PCDHGA3: variants seen among roughly 807,000 people sequenced by gnomAD.
PCDHGA3 encodes the protein protocadherin gamma subfamily A, 3, also known as protocadherin gamma-A3.
A neutral mutation model predicts 58.5 loss-of-function variants in PCDHGA3; 40 were observed. The observed-to-expected ratio is 0.68, with a 90% CI of 0.53 to 0.89. PCDHGA3 has a LOEUF of 0.89. Ranked by LOEUF, PCDHGA3 falls within the 40% of genes least tolerant of loss-of-function variation. The pLI is 0.00. For synonymous variants in PCDHGA3, 530 were observed against 525.7 expected (o/e 1.01, Z -0.11); for missense variants, 1,223 against 1,195.9 (o/e 1.02, Z -0.33).
At chr5:141,379,976 T>C (rs1459223613) in intron 1 of PCDHGA3, among the ~76,000 whole-genome samples, 1 of 140,200 alleles carries the variant, frequency 7.1e-6, no homozygotes, top group Admixed American at 8.2e-5. Flanking sequence ...CTCTGCTCAC[T>C]GCAACTTCCT....
At chr5:141,415,701 T>C in intron 1 of PCDHGA3, 2 of 1,506,520 alleles carry the variant, frequency 1.3e-6, no homozygotes, top group Non-Finnish European at 1.8e-6. Context: ...AAAGTGTAAA[T>C]GCTAAAACAC....
intron 1 of PCDHGA3, chr5:141,423,243 C>G (rs2096724455): frequency 6.2e-7 from 1 of 1,613,842 alleles, no homozygotes. Flanking sequence ...TCCCCGAAGT[C>G]CTGGCGGACC....
chr5:141,346,169 G>A lies in PCDHGA3; in HGVS notation c.2136G>A (p.Leu712=). 6.2e-6 allele frequency: 10 copies of A among 1,614,052 alleles called. No individual in the cohort carries two copies. The highest frequency in any genetic ancestry group is 1.1e-5 in the South Asian group (1 of 91,082). The change falls in exon 1 of 4, where the codon CTG becomes CTA. Residue 712 remains leucine (L), a synonymous_variant. Transcript: ENST00000253812. ...TCCTGGCCTTCGTCATCGTGCTGCTGGCGCTCAGGCTGCGGCGCTGGCACA... is the reference window on the plus strand; with the variant it reads ...TCCTGGCCTTCGTCATCGTGCTGCTAGCGCTCAGGCTGCGGCGCTGGCACA... ...CVFLAFVIVL[L]ALRLRRWHKS... is the part of the protein sequence containing the mutation.
Position 141,431,351 on chromosome 5 carries a change from C to T in PCDHGA3, c.2425-63456C>T, listed in dbSNP as rs1411192998. On this transcript the variant is annotated intron_variant, in intron 1 of 3. Coordinates refer to ENST00000253812, the MANE Select transcript of PCDHGA3 (RefSeq NM_018916.4). The surrounding 1 kb of genome is among the most constrained non-coding windows in gnomAD (Gnocchi z 4.8). ...TAAGTACCCCGAATTGGTGCTGAAACGCGCCCTGGACCGCGAAGAAAAGGC... is the reference window on the plus strand; with the variant it reads ...TAAGTACCCCGAATTGGTGCTGAAATGCGCCCTGGACCGCGAAGAAAAGGC... The T allele has an allele frequency of 1.9e-6, 3 of 1,613,946 alleles. No homozygotes were observed. Among genetic ancestry groups the T allele is most frequent in the African/African-American group, 2.7e-5 (2 of 74,938 alleles).
At chr5:141,371,868 G>C (rs755178809) in intron 1 of PCDHGA3, 2 of 1,613,510 alleles carry the variant, frequency 1.2e-6, no homozygotes, top group Non-Finnish European at 8.5e-7. Flanking sequence ...CTACTACATC[G>C]TGGCCAGTGA....
At chr5:141,356,639 A>G (rs1760286940) in intron 1 of PCDHGA3, 1 of 1,614,126 alleles carries the variant, frequency 6.2e-7, no homozygotes, top group East Asian at 2.2e-5. Context: ...CAAGACCCTG[A>G]CAGTGGTGAC....
At chr5:141,367,515 A>C (rs998835316) in intron 1 of PCDHGA3, 2 of 151,238 alleles carry the variant, frequency 1.3e-5, no homozygotes, top group African/African-American at 2.4e-5. Flanking sequence ...CCAGCCTGGG[A>C]GACAGAACGA....
intron 1 of PCDHGA3, chr5:141,415,573 G>T (rs375863243): frequency 1.9e-6 from 3 of 1,614,022 alleles, no homozygotes; most frequent in South Asian, 2.2e-5. Context: ...TTTGTTAGAT[G>T]ATTCGAAGTT....
At chr5:141,496,310 A>G (rs1446146598) in intron 2 of PCDHGA3, among the ~76,000 whole-genome samples, 1 of 152,218 alleles carries the variant, frequency 6.6e-6, no homozygotes, top group East Asian at 1.9e-4. Context: ...GCTCTGCGCC[A>G]GGCCTCCCAG....
At position 141,384,421 on chromosome 5, in the gene PCDHGA3, A is replaced by T. The variant is rs764678416; in HGVS notation, c.2424+37964A>T. The T allele has an allele frequency of 1.9e-6, 3 of 1,613,914 alleles. No homozygotes were observed. In the South Asian group the frequency reaches 3.3e-5, roughly 18 times the overall value. ...TCCAGTGTCCTCCTATGTCTCCATA[A>T]ACTCTGACACTGGAGTCCTGTACGC... On this transcript the variant is annotated intron_variant, in intron 1 of 3. Transcript: ENST00000253812.
intron 1 of PCDHGA3, chr5:141,421,421 T>A (rs982627903): frequency 6.2e-7 from 1 of 1,613,876 alleles, no homozygotes; most frequent in Non-Finnish European, 8.5e-7. Flanking sequence ...AAGCGCGGAG[T>A]CCGCATCGTC....
At position 141,431,211 on chromosome 5, in the gene PCDHGA3, G is replaced by C. The variant is rs1054638121; in HGVS notation, c.2425-63596G>C. Reference sequence around the variant, plus strand: ...AGTGAAAATGCAGCCACTGAGATGCGGTTCCCTCTACCCCACGCCTGGGAT... The same window carrying C: ...AGTGAAAATGCAGCCACTGAGATGCCGTTCCCTCTACCCCACGCCTGGGAT... On this transcript the variant is annotated intron_variant, in intron 1 of 3. Coordinates refer to ENST00000253812, the MANE Select transcript of PCDHGA3 (RefSeq NM_018916.4). This position sits in a 1 kb window ranked among gnomAD's most constrained non-coding sequence, Gnocchi z 4.8. 1.2e-6 allele frequency: 2 copies of C among 1,614,122 alleles called. No individual in the cohort carries two copies. Among genetic ancestry groups the C allele is most frequent in the Non-Finnish European group, 1.7e-6 (2 of 1,180,036 alleles).
In PCDHGA3 at chr5:141,460,999, G is replaced by GTA. The variant is rs1350972422; in HGVS notation, c.2425-33797_2425-33796dup. Reference sequence around the variant, plus strand: ...TGTGTGTGTGTATATATATATATGTGTATATATATATACCACATTTTCTTT... The same window carrying GTA: ...TGTGTGTGTGTATATATATATATGTGTATATATATATATACCACATTTTCTTT... On this transcript the variant is annotated intron_variant, in intron 1 of 3. Coordinates refer to ENST00000253812, the MANE Select transcript of PCDHGA3 (RefSeq NM_018916.4). Among the ~76,000 whole-genome samples, 54 of 149,566 alleles carry GTA rather than the reference G, an allele frequency of 3.6e-4. No homozygotes were observed. The South Asian group carries it at 4.2e-3, about 12-fold the overall frequency.
In PCDHGA3 at chr5:141,404,090, G is replaced by T. The variant is rs1014506897; in HGVS notation, c.2424+57633G>T. On this transcript the variant is annotated intron_variant, in intron 1 of 3. Transcript: ENST00000253812. ...TCATGACCGAGACTCCGGGAAGAATGGTCAAGTTGTCTGTTCTATCCAGGA... is the reference window on the plus strand; with the variant it reads ...TCATGACCGAGACTCCGGGAAGAATTGTCAAGTTGTCTGTTCTATCCAGGA... 4 of 1,613,262 alleles carry T rather than the reference G, an allele frequency of 2.5e-6. No homozygotes were observed. In the Admixed American group the frequency reaches 6.7e-5, roughly 27 times the overall value.
intron 1 of PCDHGA3, among the ~76,000 whole-genome samples, chr5:141,381,820 C>CTTTCTTTCTTTCT (rs1279410534): frequency 1.7e-3 from 198 of 119,790 alleles, no homozygotes; most frequent in African/African-American, 6.6e-3. Context: ...TTCTTTCTTT[C>CTTTCTTTCTTTCT]TTCTTCTTTT....
At chr5:141,417,743 A>T in intron 1 of PCDHGA3, 2 of 1,419,054 alleles carry the variant, frequency 1.4e-6, no homozygotes, top group Non-Finnish European at 1.9e-6. Flanking sequence ...AGCACACCAG[A>T]TTGCCAGCTC....
At chr5:141,376,105 C>T in intron 1 of PCDHGA3, 4 of 1,613,734 alleles carry the variant, frequency 2.5e-6, no homozygotes, top group Non-Finnish European at 2.5e-6. Flanking sequence ...TCCTGGCCGA[C>T]CTGGGCAGCC....
At chr5:141,494,648 T>G in intron 1 of PCDHGA3, 159 bp from the exon 2 acceptor site, 1 of 946,506 alleles carries the variant, frequency 1.1e-6, no homozygotes, top group Non-Finnish European at 1.3e-6. Flanking sequence ...ACCTGAGGTG[T>G]ATTTTGTCTT....
chr5:141,421,902 C>A (rs1218675162), intron 1 of PCDHGA3: 1 of 1,613,706 alleles, frequency 6.2e-7, no homozygotes, highest in East Asian at 2.2e-5. Context: ...TCCGAAAGGG[C>A]GCAGTTCCCA....
Sources: allele counts gnomAD v4.1 joint callset (sites outside exome capture counted in the v4.1 genomes callset), GRCh38; gene constraint gnomAD v4.1.1; non-coding constraint Gnocchi (gnomAD v3.1); transcripts MANE v1.5; gene names NCBI Gene and HGNC (gene_info 2026-07-23, HGNC 2026-07-21).